C13orf42: variants seen among roughly 807,000 people sequenced by gnomAD.
The protein encoded by C13orf42 is chromosome 13 open reading frame 42.
At chr13:51,151,813 A>T (rs1953780374) in intron 1 of C13orf42, among the ~76,000 whole-genome samples, 1 of 152,226 alleles carries the variant, frequency 6.6e-6, no homozygotes, top group Admixed American at 6.5e-5. Flanking sequence ...TTAACCTAGA[A>T]GCCTGATAGA....
chr13:51,148,797 G>A (rs765894018), intron 1 of C13orf42, among the ~76,000 whole-genome samples: 2 of 152,168 alleles, frequency 1.3e-5, no homozygotes, highest in African/African-American at 4.8e-5. Context: ...GGTACCCTCC[G>A]CCGCCAGGCC....
intron 1 of C13orf42, among the ~76,000 whole-genome samples, chr13:51,126,063 C>A (rs576865828): frequency 1.6e-4 from 25 of 152,298 alleles, no homozygotes; most frequent in African/African-American, 5.8e-4. Context: ...TGAATGTATG[C>A]AAATTTCATG....
intron 1 of C13orf42, among the ~76,000 whole-genome samples, chr13:51,108,235 T>A (rs1317499510): frequency 3.9e-5 from 6 of 152,208 alleles, no homozygotes; most frequent in Non-Finnish European, 7.3e-5. Context: ...ACCTAGTTTC[T>A]AACTGAGGTC....
intron 1 of C13orf42, among the ~76,000 whole-genome samples, chr13:51,097,967 GC>G (rs1435420956): frequency 1.3e-5 from 2 of 151,914 alleles, no homozygotes; most frequent in Non-Finnish European, 2.9e-5. Context: ...ACCCTCCATG[GC>G]CTTAGGGTTA....
At chr13:51,096,640 G>A (rs1460568080) in intron 1 of C13orf42, among the ~76,000 whole-genome samples, 1 of 152,182 alleles carries the variant, frequency 6.6e-6, no homozygotes, top group Non-Finnish European at 1.5e-5. Flanking sequence ...TGCAGTTTAA[G>A]ATGTGTGTGT....
intron 1 of C13orf42, among the ~76,000 whole-genome samples, chr13:51,164,291 C>G (rs894011594): frequency 6.6e-6 from 1 of 152,204 alleles, no homozygotes; most frequent in African/African-American, 2.4e-5. Context: ...TTCACCATTG[C>G]CTCATCAGCC....
intron 1 of C13orf42, among the ~76,000 whole-genome samples, chr13:51,139,493 C>T (rs9591392): frequency 6.6e-6 from 1 of 152,150 alleles, no homozygotes; most frequent in Non-Finnish European, 1.5e-5. Context: ...TAAAATGAGG[C>T]TGAGACCTGC....
chr13:51,084,339 A>G lies in C13orf42; in HGVS notation c.804-14T>C. ...GAGCTCCCCAGGCTAGAAGGAAGGA[A>G]TGAGGCAGGAGGTTTAAGTTCGGCT... is the stretch of plus-strand genomic sequence containing the variant. On this transcript the variant is annotated splice_polypyrimidine_tract_variant and intron_variant, in intron 3 of 3. Coordinates refer to ENST00000563710, the MANE Select transcript of C13orf42 (RefSeq NM_001351589.3). The G allele has an allele frequency of 5.0e-6, 2 of 398,660 alleles. No homozygotes were observed. Among genetic ancestry groups the G allele is most frequent in the Non-Finnish European group, 8.8e-6 (2 of 226,140 alleles). 24.7% of individuals were successfully genotyped at this position (398,660 alleles called of 1,614,324 possible).
intron 1 of C13orf42, among the ~76,000 whole-genome samples, chr13:51,165,576 C>T (rs969831318): frequency 3.7e-4 from 56 of 152,066 alleles, no homozygotes; most frequent in Non-Finnish European, 1.2e-4. Context: ...TAAGAGACAA[C>T]GTAAGAAGAT....
At chr13:51,097,980 C>A (rs1362195186) in intron 1 of C13orf42, among the ~76,000 whole-genome samples, 1 of 152,134 alleles carries the variant, frequency 6.6e-6, no homozygotes, top group Non-Finnish European at 1.5e-5. Context: ...TTAGGGTTAT[C>A]ATTTTCCGAG....
intron 1 of C13orf42, among the ~76,000 whole-genome samples, chr13:51,116,946 C>G (rs12875596): frequency 0.36 from 55,228 of 152,134 alleles, 10,475 homozygotes; most frequent in East Asian, 0.49. Flanking sequence ...CACGGCCAAG[C>G]CTTCAGGCTG....
intron 1 of C13orf42, among the ~76,000 whole-genome samples, chr13:51,167,371 G>T (rs1274616408): frequency 6.6e-6 from 1 of 152,084 alleles, no homozygotes; most frequent in Non-Finnish European, 1.5e-5. Flanking sequence ...AAGAAGGGGG[G>T]ATTTCTAGAA....
intron 1 of C13orf42, among the ~76,000 whole-genome samples, chr13:51,159,013 G>T (rs1210816802): frequency 1.3e-5 from 2 of 152,170 alleles, no homozygotes; most frequent in African/African-American, 2.4e-5. Context: ...TGATAAGCTG[G>T]CCCCTTTCAA....
chr13:51,113,581 TG>T (rs764889641), upstream of C13orf42, among the ~76,000 whole-genome samples: 5,224 of 152,176 alleles, frequency 0.034, 86 homozygotes, highest in East Asian at 0.046. Flanking sequence ...TGTGTGTGTG[TG>T]TGTGTGTGTG....
At chr13:51,159,090 C>T (rs948215597) in intron 1 of C13orf42, among the ~76,000 whole-genome samples, 3 of 152,188 alleles carry the variant, frequency 2.0e-5, no homozygotes, top group Non-Finnish European at 2.9e-5. Context: ...TCTCTCCACA[C>T]GCAGACTTTT....
intron 1 of C13orf42, among the ~76,000 whole-genome samples, chr13:51,161,328 A>T (rs1953862684): frequency 6.6e-6 from 1 of 151,910 alleles, no homozygotes; most frequent in African/African-American, 2.4e-5. Flanking sequence ...TATGAGCCTC[A>T]GCTATTGCTT....
At chr13:51,121,631 G>A (rs61956843) in intron 1 of C13orf42, among the ~76,000 whole-genome samples, 2,383 of 151,632 alleles carry the variant, frequency 0.016, 30 homozygotes, top group Non-Finnish European at 0.024. Flanking sequence ...CACCTCCCGG[G>A]TTCAAGTGAT....
At chr13:51,172,184 C>G (rs1009368989) in intron 1 of C13orf42, 2 of 152,190 alleles carry the variant, frequency 1.3e-5, no homozygotes, top group Non-Finnish European at 2.9e-5. Flanking sequence ...ATGCCCGCAG[C>G]CTGGGATTCC....
At chr13:51,087,640 C>T (rs765460007) in intron 2 of C13orf42, among the ~76,000 whole-genome samples, 7 of 152,282 alleles carry the variant, frequency 4.6e-5, no homozygotes, top group Non-Finnish European at 8.8e-5. Context: ...CTGTCTCAGC[C>T]GTGGTAAGTG....
Sources: gnomAD v4.1 joint callset for allele counts (sites outside exome capture counted in the v4.1 genomes callset) on GRCh38, gnomAD v4.1.1 for gene constraint, MANE v1.5 for transcripts, NCBI Gene and HGNC (gene_info 2026-07-23, HGNC 2026-07-21) for gene names.